The following TMEM266 variants were observed in gnomAD, a reference collection of about 807,000 sequenced individuals.
TMEM266 encodes transmembrane protein 266.
TMEM266 carries 33 observed loss-of-function variants against 50.5 expected under a neutral mutation model. The observed-to-expected ratio is 0.65, with a 90% CI of 0.50 to 0.87. The LOEUF (loss-of-function observed/expected upper bound fraction) is 0.87. TMEM266 is among the 40% of genes least tolerant of loss of function. The pLI is 0.00. For missense variants in TMEM266, 655 were observed against 695.1 expected (o/e 0.94, Z 0.65); for synonymous variants, 310 against 292.3 (o/e 1.06, Z -0.62).
Position 76,137,949 on chromosome 15 carries a change from C to T in TMEM266, c.227+54C>T, listed in dbSNP as rs114309744. 198 of 1,489,904 alleles carry T rather than the reference C, an allele frequency of 1.3e-4. No individual in the cohort carries two copies. In the East Asian group the frequency reaches 4.2e-3, roughly 32 times the overall value. The allele number at this position is 1,489,904 out of a possible 1,614,324, so 92.3% of individuals were successfully genotyped here. A position where few individuals can be genotyped will look rare whatever the true frequency, so the allele number is the denominator to read the frequency against. On this transcript the variant is annotated intron_variant, in intron 3 of 10. Coordinates refer to ENST00000388942, the MANE Select transcript of TMEM266 (RefSeq NM_152335.3). ...AGAAGTCCCTGGGTTAGGCTAGGCG[C>T]GGTGGCTCACGCCTGTAATCCCAGC... is the stretch of plus-strand genomic sequence containing the variant.
chr15:76,118,742 C>T (rs567730103), intron 1 of TMEM266, among the ~76,000 whole-genome samples: 1 of 152,250 alleles, frequency 6.6e-6, no homozygotes, highest in East Asian at 1.9e-4. Context: ...CAGTTTCTAC[C>T]CTTTTGGAAG....
intron 8 of TMEM266, among the ~76,000 whole-genome samples, chr15:76,189,958 A>G (rs997395471): frequency 6.6e-6 from 1 of 152,220 alleles, no homozygotes; most frequent in Non-Finnish European, 1.5e-5. Context: ...GACCGAACCT[A>G]TAGACACTGA....
intron 3 of TMEM266, among the ~76,000 whole-genome samples, chr15:76,148,733 C>T (rs370234584): frequency 0.016 from 146 of 9,014 alleles, 2 homozygotes; most frequent in African/African-American, 0.03. Context: ...CTTCACCCCC[C>T]ACCTGAGCTC....
Position 76,134,305 on chromosome 15 carries a change from A to C in TMEM266, c.38+4A>C. On this transcript the variant is annotated splice_donor_region_variant and intron_variant, in intron 2 of 10. Transcript: ENST00000388942. ...CTTTCAACATGACCAATCCACAGTA[A>C]GTAATGCTGGGATCTGCTCTCTGGA... The C allele has an allele frequency of 1.2e-6, 2 of 1,613,364 alleles. No individual in the cohort carries two copies. Among genetic ancestry groups the C allele is most frequent in the Non-Finnish European group, 1.7e-6 (2 of 1,179,296 alleles).
chr15:76,085,129 T>C (rs1469378879), intron 1 of TMEM266, among the ~76,000 whole-genome samples: 3 of 135,964 alleles, frequency 2.2e-5, no homozygotes, highest in Non-Finnish European at 4.8e-5. Flanking sequence ...CCTGCTAATT[T>C]TTTGTATTTT....
chr15:76,148,805 T>G (rs2037795893), intron 3 of TMEM266, among the ~76,000 whole-genome samples: 1 of 143,908 alleles, frequency 6.9e-6, no homozygotes, highest in Non-Finnish European at 1.5e-5. Flanking sequence ...AAATCTGAGA[T>G]TCTGGGACAA....
In TMEM266 at chr15:76,204,272, T is replaced by G. The variant is rs2038802205; in HGVS notation, c.1553T>G (p.Leu518Trp). The G allele has an allele frequency of 1.9e-6, 3 of 1,612,794 alleles. No homozygotes were observed. The highest frequency in any genetic ancestry group is 4.5e-5 in the East Asian group (2 of 44,832). The change falls in exon 11 of 11, where the codon TTG (leucine) becomes TGG (tryptophan). Residue 518 changes from leucine (L) to tryptophan (W), a missense_variant. Leu to Trp is a moderately conservative substitution (Grantham distance 61). This residue lies in a region of TMEM266 where 455 missense variants were observed against 401.8 expected (regional missense o/e 1.13). Transcript: ENST00000388942. ...ATGCTGGAGGACAAGTTCAGATCTTTGGAATCCAAAGAGCAAAAGCTGCAC... is the reference window on the plus strand; with the variant it reads ...ATGCTGGAGGACAAGTTCAGATCTTGGGAATCCAAAGAGCAAAAGCTGCAC...
intron 3 of TMEM266, among the ~76,000 whole-genome samples, chr15:76,141,748 C>T (rs548148713): frequency 6.6e-6 from 1 of 152,304 alleles, no homozygotes; most frequent in East Asian, 1.9e-4. Context: ...CCTGTTCCCC[C>T]ACTCCTCCAG....
intron 8 of TMEM266, among the ~76,000 whole-genome samples, chr15:76,191,233 A>G (rs1236301568): frequency 6.6e-6 from 1 of 152,270 alleles, no homozygotes; most frequent in Non-Finnish European, 1.5e-5. Flanking sequence ...TCAACAAAAC[A>G]TTAAATACAC....
At chr15:76,138,001 C>G in intron 3 of TMEM266, 106 bp downstream of exon 3, 6 of 1,171,160 alleles carry the variant, frequency 5.1e-6, no homozygotes, top group East Asian at 2.7e-5. Context: ...GCGGGCAGAT[C>G]ACCTGAGGTT....
chr15:76,188,353 T>G (rs552022442), intron 8 of TMEM266, among the ~76,000 whole-genome samples: 1 of 152,238 alleles, frequency 6.6e-6, no homozygotes, highest in Admixed American at 6.5e-5. Flanking sequence ...GAAAAGCCCC[T>G]TATAAAGCCA....
chr15:76,105,558 T>C (rs889526900), intron 1 of TMEM266, among the ~76,000 whole-genome samples: 1 of 152,270 alleles, frequency 6.6e-6, no homozygotes, highest in Non-Finnish European at 1.5e-5. Flanking sequence ...CTATTCAATC[T>C]TCCATTGTAG....
At chr15:76,146,907 G>A (rs565805242) in intron 3 of TMEM266, among the ~76,000 whole-genome samples, 25 of 152,282 alleles carry the variant, frequency 1.6e-4, no homozygotes, top group Non-Finnish European at 3.1e-4. Context: ...TTTACAAGTC[G>A]GTCTCCAGTA....
Position 76,161,309 on chromosome 15 carries a change from A to G in TMEM266, c.456+1141A>G, listed in dbSNP as rs2038015520. The stretch of plus-strand genomic sequence containing the variant: ...ACGGGAGCTGCTCTACCTGAGGCAC[A>G]GGGGCTCTGGGACCCCGAGACGGGG... On this transcript the variant is annotated intron_variant, in intron 5 of 10. Coordinates refer to ENST00000388942, the MANE Select transcript of TMEM266 (RefSeq NM_152335.3). This position sits in a 1 kb window ranked among gnomAD's most constrained non-coding sequence, Gnocchi z 4.1. 6.6e-6 allele frequency among the ~76,000 whole-genome samples: 1 copy of G among 152,126 alleles called. No homozygotes were observed. Among genetic ancestry groups the G allele is most frequent in the African/African-American group, 2.4e-5 (1 of 41,422 alleles).
chr15:76,156,558 C>T, intron 3 of TMEM266, 46 bp from the exon 4 acceptor site: 1 of 1,602,830 alleles, frequency 6.2e-7, no homozygotes, highest in Non-Finnish European at 8.5e-7. Context: ...ACCCTCTTGT[C>T]CCCTCCCACT....
rs2037869927 is a variant in TMEM266 at position 76,153,144 on chromosome 15, AAG to A, written c.228-3458_228-3457del. 6.6e-6 allele frequency among the ~76,000 whole-genome samples: 1 copy of A among 151,242 alleles called. No individual in the cohort carries two copies. Among genetic ancestry groups the A allele is most frequent in the Non-Finnish European group, 1.5e-5 (1 of 67,776 alleles). ...AGTAAGTTTCTCTAACAAAAAAAAAAAGAAGAAAAAAACGACATTTTAAACAG... is the reference window on the plus strand; with the variant it reads ...AGTAAGTTTCTCTAACAAAAAAAAAAAAGAAAAAAACGACATTTTAAACAG... On this transcript the variant is annotated intron_variant, in intron 3 of 10. Coordinates refer to ENST00000388942, the MANE Select transcript of TMEM266 (RefSeq NM_152335.3). The surrounding 1 kb of genome is among the most constrained non-coding windows in gnomAD (Gnocchi z 4.2).
chr15:76,126,114 T>C (rs1048335678), intron 1 of TMEM266, among the ~76,000 whole-genome samples: 3 of 151,924 alleles, frequency 2.0e-5, no homozygotes, highest in African/African-American at 7.3e-5. Context: ...GTGGTAGGAA[T>C]GTAAATTGGT....
chr15:76,126,555 G>A (rs1421573874), intron 1 of TMEM266, among the ~76,000 whole-genome samples: 2 of 149,776 alleles, frequency 1.3e-5, no homozygotes, highest in Non-Finnish European at 1.5e-5. Flanking sequence ...TTTTTTAGAC[G>A]GAGTCTCACT....
At chr15:76,133,934 C>T (rs1168181366) in intron 1 of TMEM266, among the ~76,000 whole-genome samples, 2 of 152,074 alleles carry the variant, frequency 1.3e-5, no homozygotes, top group African/African-American at 4.8e-5. Flanking sequence ...GCTCTTCTAC[C>T]ATCTCTGTGA....
Sources: allele counts gnomAD v4.1 joint callset (sites outside exome capture counted in the v4.1 genomes callset), GRCh38; gene constraint gnomAD v4.1.1; regional missense constraint gnomAD v4.1.1; non-coding constraint Gnocchi (gnomAD v3.1); transcripts MANE v1.5; gene names NCBI Gene and HGNC (gene_info 2026-07-23, HGNC 2026-07-21).